CYTH2: variants seen among roughly 807,000 people sequenced by gnomAD.
CYTH2 encodes cytohesin-2.
In CYTH2, 24 loss-of-function variants were observed where a neutral mutation model predicts 55.4. The ratio of observed to expected loss-of-function variants is 0.43; its 90% CI spans 0.31 to 0.61. The LOEUF (loss-of-function observed/expected upper bound fraction) is 0.61, where lower values mean the gene tolerates loss of function less well. Among genes scored for constraint, CYTH2 ranks in the 20% least tolerant of loss-of-function variants. The probability of loss-of-function intolerance (pLI) is 0.08; values close to 1 mark genes in which losing one functional copy is unlikely to be tolerated. For missense variants in CYTH2, 378 were observed against 533.5 expected (o/e 0.71, Z 2.87); for synonymous variants, 221 against 209.6 (o/e 1.05, Z -0.47).
chr19:48,480,850 C>A lies in CYTH2; in HGVS notation c.*1640C>A, dbSNP rs1485653526. ...ACTATGTCACCCTTTCCTGCCGCCT[C>A]CCCGGATGAACTGCATGCAGGGCGG... On this transcript the variant is annotated 3_prime_UTR_variant, in exon 12 of 12. Coordinates refer to ENST00000452733, the MANE Select transcript of CYTH2 (RefSeq NM_004228.7). 6.6e-6 allele frequency: 1 copy of A among 152,264 alleles called. No individual in the cohort carries two copies. Among genetic ancestry groups the A allele is most frequent in the Non-Finnish European group, 1.5e-5 (1 of 68,062 alleles). 9.4% of individuals were successfully genotyped at this position (152,264 alleles called of 1,614,324 possible). A position where few individuals can be genotyped will look rare whatever the true frequency, so the allele number is the denominator to read the frequency against.
chr19:48,476,200 G>A, intron 8 of CYTH2: 1 of 288,658 alleles, frequency 3.5e-6, no homozygotes, highest in Non-Finnish European at 7.1e-6. Context: ...CACTTTGGGA[G>A]GACAAGGCAG....
chr19:48,474,964 G>T lies in CYTH2; in HGVS notation c.808+15G>T, dbSNP rs759304848. 6.2e-7 allele frequency: 1 copy of T among 1,610,988 alleles called. No homozygotes were observed. Among genetic ancestry groups the T allele is most frequent in the Non-Finnish European group, 8.5e-7 (1 of 1,177,374 alleles). ...CCTGAAGCTGGGTACGTGCCCTCCC[G>T]ACCCCGCTGGTCCCTCCGCAGGAGG... On this transcript the variant is annotated intron_variant, in intron 8 of 11. Transcript: ENST00000452733. The surrounding 1 kb of genome is among the most constrained non-coding windows in gnomAD (Gnocchi z 4.9).
chr19:48,478,283 GC>G lies in CYTH2; in HGVS notation c.898del (p.Arg300GlufsTer9). 3 of 1,613,822 alleles carry G rather than the reference GC, an allele frequency of 1.9e-6. No individual in the cohort carries two copies. The highest frequency in any genetic ancestry group is 2.5e-6 in the Non-Finnish European group (3 of 1,179,952). On this transcript the variant is annotated frameshift_variant, in exon 10 of 12. Coordinates refer to ENST00000452733, the MANE Select transcript of CYTH2 (RefSeq NM_004228.7). LOFTEE classifies it high-confidence loss of function. ...YYFEYTTDKE[P>X]RGIIPLENLS... ...CCACCTTGCTTCTTCAGGACAAGGAGCCCCGAGGAATCATCCCCCTGGAGAA... is the reference window on the plus strand; with the variant it reads ...CCACCTTGCTTCTTCAGGACAAGGAGCCCGAGGAATCATCCCCCTGGAGAA...
At chr19:48,469,812 G>A (rs986951128) in intron 1 of CYTH2, 19 of 584,032 alleles carry the variant, frequency 3.3e-5, no homozygotes, top group Non-Finnish European at 5.1e-5. Context: ...GGAGGGGCGG[G>A]CGAGCCCAGC....
At chr19:48,473,439 C>T in intron 5 of CYTH2, 61 bp downstream of exon 5, 1 of 1,539,012 alleles carries the variant, frequency 6.5e-7, no homozygotes, top group Non-Finnish European at 9.0e-7. Context: ...TTCCTAGTTA[C>T]AAGTGACAAA....
Position 48,478,249 on chromosome 19 carries a change from G to A in CYTH2, c.886-26G>A. On this transcript the variant is annotated intron_variant, in intron 9 of 11. Transcript: ENST00000452733. Reference sequence around the variant, plus strand: ...GGGTGGGGTGAGGACTTGGAAGTCTGAGTTCTGTCCACCTTGCTTCTTCAG... The same window carrying A: ...GGGTGGGGTGAGGACTTGGAAGTCTAAGTTCTGTCCACCTTGCTTCTTCAG... The A allele has an allele frequency of 1.9e-6, 3 of 1,612,900 alleles. No homozygotes were observed. In the East Asian group the frequency reaches 6.7e-5, roughly 36 times the overall value.
At chr19:48,472,471 G>GCACCCCCCC in intron 4 of CYTH2, 28 bp downstream of exon 4, 1 of 1,584,684 alleles carries the variant, frequency 6.3e-7, no homozygotes, top group Non-Finnish European at 8.6e-7. Flanking sequence ...CTCCTGTGGG[G>GCACCCCCCC]CCCCTCCCTC....
chr19:48,478,163 C>G lies in CYTH2; in HGVS notation c.885+18C>G, dbSNP rs376232946. On this transcript the variant is annotated intron_variant, in intron 9 of 11. Transcript: ENST00000452733. The stretch of plus-strand genomic sequence containing the variant: ...ACACCACGGTGAGCGTGACCCGACC[C>G]GGGCTCTGGGGTCCTGGGCGGAGTG... 6.2e-6 allele frequency: 10 copies of G among 1,613,386 alleles called. No homozygotes were observed. The highest frequency in any genetic ancestry group is 7.6e-6 in the Non-Finnish European group (9 of 1,179,558).
intron 8 of CYTH2, chr19:48,475,846 G>A (rs572427035): frequency 4.1e-5 from 11 of 268,936 alleles, no homozygotes; most frequent in South Asian, 2.9e-4. Context: ...CCTGGTAACA[G>A]TAGGTGCCAC....
chr19:48,469,767 G>T, intron 1 of CYTH2: 2 of 679,272 alleles, frequency 2.9e-6, no homozygotes, highest in Non-Finnish European at 4.9e-6. Context: ...GGGATGGAGT[G>T]GTGGAGGCGA....
At chr19:48,470,234 C>G in intron 1 of CYTH2, 119 bp from the exon 2 acceptor site, 1 of 1,405,938 alleles carries the variant, frequency 7.1e-7, no homozygotes. Flanking sequence ...GCCCATTCTT[C>G]TGTGCAGACA....
intron 8 of CYTH2, 57 bp from the exon 9 acceptor site, chr19:48,478,012 C>A: frequency 6.9e-7 from 1 of 1,458,440 alleles, no homozygotes; most frequent in Non-Finnish European, 9.6e-7. Context: ...CCTCCCATCT[C>A]CCAGAGGCCC....
At chr19:48,477,748 A>G (rs1971946100) in intron 8 of CYTH2, 1 of 382,124 alleles carries the variant, frequency 2.6e-6, no homozygotes, top group Admixed American at 3.9e-5. Flanking sequence ...TTTGTCTCCC[A>G]TCACTAGACG....
chr19:48,473,816 C>T (rs1034917308), intron 5 of CYTH2, 89 bp from the exon 6 acceptor site: 10 of 1,065,842 alleles, frequency 9.4e-6, no homozygotes, highest in Non-Finnish European at 1.4e-5. Context: ...GTCGGGATTC[C>T]TCGTGGACCA....
At chr19:48,473,035 A>G in intron 4 of CYTH2, 1 of 459,112 alleles carries the variant, frequency 2.2e-6, no homozygotes, top group Non-Finnish European at 4.0e-6. Context: ...AGTAGGTAGC[A>G]TACATGTTTG....
intron 3 of CYTH2, among the ~76,000 whole-genome samples, chr19:48,471,687 A>G (rs1416007248): frequency 3.3e-5 from 5 of 152,214 alleles, no homozygotes; most frequent in Non-Finnish European, 7.3e-5. Flanking sequence ...CCCTTGAAGG[A>G]CTGCGTCTGC....
At chr19:48,470,552 G>A in intron 2 of CYTH2, 51 bp from the exon 3 acceptor site, 1 of 1,614,152 alleles carries the variant, frequency 6.2e-7, no homozygotes, top group Non-Finnish European at 8.5e-7. Context: ...TGAGGCCAGG[G>A]ATGCCCAGGC....
At position 48,472,387 on chromosome 19, in the gene CYTH2, C is replaced by T; in HGVS notation, c.297C>T (p.Phe99=). The T allele has an allele frequency of 1.9e-6, 3 of 1,614,006 alleles. No homozygotes were observed. In the South Asian group the frequency reaches 3.3e-5, roughly 18 times the overall value. Residue 99 remains phenylalanine, a synonymous_variant, in exon 4 of 12, where the codon TTC becomes TTT. Coordinates refer to ENST00000452733, the MANE Select transcript of CYTH2 (RefSeq NM_004228.7). ...LQNTPEEIAR[F]LYKGEGLNKT... ...ACACACCCGAGGAGATCGCCCGCTT[C>T]CTGTACAAGGGCGAGGGGCTGAACA...
chr19:48,472,196 G>A (rs1362108269), intron 3 of CYTH2, 129 bp from the exon 4 acceptor site: 1 of 758,070 alleles, frequency 1.3e-6, no homozygotes, highest in Non-Finnish European at 2.2e-6. Context: ...AGACCTGTGA[G>A]AAGGCTGAAA....
Sources: gnomAD v4.1 joint callset for allele counts (sites outside exome capture counted in the v4.1 genomes callset) on GRCh38, gnomAD v4.1.1 for gene constraint, Gnocchi (gnomAD v3.1) non-coding constraint, MANE v1.5 for transcripts, NCBI Gene and HGNC (gene_info 2026-07-23, HGNC 2026-07-21) for gene names.